The following ADCY2 variants were observed in gnomAD, a reference collection of about 807,000 sequenced individuals.
ADCY2 encodes adenylate cyclase 2.
Under a neutral mutation model 125.2 loss-of-function variants are expected in ADCY2, and 31 were observed. That is an observed-to-expected ratio of 0.25 (90% confidence interval 0.19 to 0.33). ADCY2 has a LOEUF of 0.33. Among genes scored for constraint, ADCY2 ranks in the 10% least tolerant of loss-of-function variants. The pLI, the probability that ADCY2 is intolerant of heterozygous loss-of-function variation, is 1.00. For synonymous variants in ADCY2, 512 were observed against 548.4 expected (o/e 0.93, Z 0.93); for missense variants, 904 against 1,418.2 (o/e 0.64, Z 5.82).
At chr5:7,535,445 A>G (rs1734784511) in intron 3 of ADCY2, among the ~76,000 whole-genome samples, 1 of 152,250 alleles carries the variant, frequency 6.6e-6, no homozygotes, top group South Asian at 2.1e-4. Flanking sequence ...AAAAGCCTCT[A>G]GGTGTCTTCA....
chr5:7,408,664 AGCCAGGTG>A (rs1230310368), intron 1 of ADCY2, among the ~76,000 whole-genome samples: 1 of 152,036 alleles, frequency 6.6e-6, no homozygotes, highest in Non-Finnish European at 1.5e-5. Context: ...CACCGTGCCT[AGCCAGGTG>A]GCTATTATTA....
At chr5:7,481,792 GT>G (rs1742741315) in intron 2 of ADCY2, among the ~76,000 whole-genome samples, 1 of 152,016 alleles carries the variant, frequency 6.6e-6, no homozygotes, top group African/African-American at 2.4e-5. Flanking sequence ...GTGTGTGTGT[GT>G]GTGCAGAAGC....
intron 24 of ADCY2, among the ~76,000 whole-genome samples, chr5:7,821,816 A>G (rs943623247): frequency 1.3e-5 from 2 of 152,252 alleles, no homozygotes; most frequent in African/African-American, 4.8e-5. Context: ...AAGTGAGCTG[A>G]TGGAGCAGAA....
rs534338731 is a variant in ADCY2 at position 7,444,438 on chromosome 5, CT to C, written c.408+29676del. Among the ~76,000 whole-genome samples the C allele has an allele frequency of 4.4e-3, 673 of 151,864 alleles. 7 individuals are homozygous for C. Among genetic ancestry groups the C allele is most frequent in the African/African-American group, 0.016 (654 of 41,380 alleles). On this transcript the variant is annotated intron_variant, in intron 2 of 24. Transcript: ENST00000338316. Reference sequence around the variant, plus strand: ...GCTGTTTTTATCTTTTTAGTTACTCCTTTTTTTTCCTCCTAAAGGATATTCT... The same window carrying C: ...GCTGTTTTTATCTTTTTAGTTACTCCTTTTTTTCCTCCTAAAGGATATTCT...
intron 20 of ADCY2, chr5:7,798,179 G>GAAACTCAAAGAAATAGCCCA (rs2307997): frequency 0.68 from 103,731 of 151,440 alleles, 35,840 homozygotes; most frequent in South Asian, 0.81. Context: ...CCTCCACAGA[G>GAAACTCAAAGAAATAGCCCA]AAAGCCCGGA....
At chr5:7,774,417 T>G (rs985801600) in intron 18 of ADCY2, among the ~76,000 whole-genome samples, 19 of 152,236 alleles carry the variant, frequency 1.2e-4, no homozygotes, top group Non-Finnish European at 2.6e-4. Flanking sequence ...AGAAAGCCTG[T>G]GTTGTATTCC....
intron 3 of ADCY2, among the ~76,000 whole-genome samples, chr5:7,549,750 G>A (rs1735267477): frequency 6.6e-6 from 1 of 152,118 alleles, no homozygotes; most frequent in South Asian, 2.1e-4. Context: ...TTCTCATTGT[G>A]CAGGAACATG....
intron 15 of ADCY2, among the ~76,000 whole-genome samples, chr5:7,755,822 C>G (rs559241200): frequency 1.3e-5 from 2 of 152,130 alleles, no homozygotes; most frequent in Non-Finnish European, 2.9e-5. Flanking sequence ...CTTAGGGCAA[C>G]AATAATTTTA....
intron 16 of ADCY2, 51 bp downstream of exon 16, chr5:7,757,637 C>A: frequency 6.4e-7 from 1 of 1,565,304 alleles, no homozygotes. Flanking sequence ...CAGAGCATGG[C>A]CGTGTTCAAC....
intron 12 of ADCY2, among the ~76,000 whole-genome samples, chr5:7,717,651 G>C (rs905688559): frequency 2.6e-5 from 4 of 152,194 alleles, no homozygotes; most frequent in Non-Finnish European, 4.4e-5. Context: ...TCCTAGAAGA[G>C]AATTAGCATT....
At chr5:7,648,118 A>G (rs1317182813) in intron 4 of ADCY2, among the ~76,000 whole-genome samples, 2 of 152,202 alleles carry the variant, frequency 1.3e-5, no homozygotes, top group African/African-American at 4.8e-5. Flanking sequence ...ATCTGTTAGA[A>G]GCCTTCAAAG....
chr5:7,559,998 G>A (rs2126586581), intron 3 of ADCY2, among the ~76,000 whole-genome samples: 1 of 152,284 alleles, frequency 6.6e-6, no homozygotes, highest in African/African-American at 2.4e-5. Flanking sequence ...ACTAATAAGT[G>A]TCCATTGATA....
intron 2 of ADCY2, among the ~76,000 whole-genome samples, chr5:7,468,023 T>C (rs1025194228): frequency 6.6e-6 from 1 of 152,216 alleles, no homozygotes; most frequent in Non-Finnish European, 1.5e-5. Context: ...CCGTTTTCTT[T>C]AAATATTATA....
chr5:7,516,465 G>A (rs1467053988), intron 2 of ADCY2, among the ~76,000 whole-genome samples: 1 of 152,150 alleles, frequency 6.6e-6, no homozygotes, highest in African/African-American at 2.4e-5. Flanking sequence ...CATGAACACA[G>A]GTTTGTGTGG....
At chr5:7,606,889 T>C (rs972571622) in intron 3 of ADCY2, among the ~76,000 whole-genome samples, 1 of 152,058 alleles carries the variant, frequency 6.6e-6, no homozygotes, top group African/African-American at 2.4e-5. Flanking sequence ...CTCCCAAGAG[T>C]ATAATCTTTG....
At chr5:7,749,037 C>A (rs558787578) in intron 15 of ADCY2, among the ~76,000 whole-genome samples, 1 of 152,296 alleles carries the variant, frequency 6.6e-6, no homozygotes, top group Non-Finnish European at 1.5e-5. Flanking sequence ...CGGTGCCCAG[C>A]ACTAGGCAGG....
chr5:7,818,608 G>C (rs981414819), intron 23 of ADCY2, among the ~76,000 whole-genome samples: 1 of 152,072 alleles, frequency 6.6e-6, no homozygotes, highest in Non-Finnish European at 1.5e-5. Context: ...TGTTGGCCAG[G>C]CTGGTCTCTC....
At chr5:7,454,629 C>CA (rs1741602489) in intron 2 of ADCY2, among the ~76,000 whole-genome samples, 1 of 151,994 alleles carries the variant, frequency 6.6e-6, no homozygotes, top group African/African-American at 2.4e-5. Context: ...TGTTTTGTGG[C>CA]AAAAATTATA....
chr5:7,443,319 G>A (rs543029080), intron 2 of ADCY2, among the ~76,000 whole-genome samples: 5 of 152,066 alleles, frequency 3.3e-5, no homozygotes, highest in South Asian at 4.2e-4. Context: ...TAAAATCTAC[G>A]TACTCAACAC....
Sources: gnomAD v4.1 joint callset for allele counts (sites outside exome capture counted in the v4.1 genomes callset) on GRCh38, gnomAD v4.1.1 for gene constraint, MANE v1.5 for transcripts, NCBI Gene and HGNC (gene_info 2026-07-23, HGNC 2026-07-21) for gene names.